HERC2: variants seen among roughly 807,000 people sequenced by gnomAD.
HERC2 encodes HECT and RLD domain containing E3 ubiquitin protein ligase 2, also known as E3 ubiquitin-protein ligase HERC2.
HERC2 carries 102 observed loss-of-function variants against 537.7 expected under a neutral mutation model. The observed-to-expected ratio is 0.19, with a 90% CI of 0.16 to 0.22. HERC2 has a LOEUF of 0.22. HERC2 is among the 10% of genes least tolerant of loss of function. HERC2 has a pLI of 1.00. For synonymous variants in HERC2, 2,224 were observed against 2,466.2 expected, an observed-to-expected ratio of 0.90 and a Z score of 2.91; for missense variants, 4,236 against 6,198.2, an observed-to-expected ratio of 0.68 and a Z score of 10.63.
In HERC2 at chr15:28,272,199, C is replaced by T. The variant is rs767158859; in HGVS notation, c.1083+16G>A. 4.5e-5 allele frequency: 71 copies of T among 1,570,444 alleles called. No homozygotes were observed. The highest frequency in any genetic ancestry group is 6.0e-5 in the Non-Finnish European group (70 of 1,158,660). The stretch of plus-strand genomic sequence containing the variant: ...TCGAGTGCCACCTAAACACAAAGTT[C>T]CATCATGACACTCACGTGCATGTCG... On this transcript the variant is annotated intron_variant, in intron 9 of 92. Coordinates refer to ENST00000261609, the MANE Select transcript of HERC2 (RefSeq NM_004667.6).
intron 2 of HERC2, among the ~76,000 whole-genome samples, chr15:28,307,143 T>C (rs1253472195): frequency 6.6e-6 from 1 of 152,220 alleles, no homozygotes; most frequent in Admixed American, 6.5e-5. Flanking sequence ...CCTGCAAACT[T>C]ATCTATTTCT....
rs1903968842 is a variant in HERC2 at position 28,248,756 on chromosome 15, A to T, written c.3051-20T>A. 5 of 1,581,464 alleles carry T rather than the reference A, an allele frequency of 3.2e-6. 1 individual carries two copies. Among genetic ancestry groups the T allele is most frequent in the African/African-American group, 1.4e-5 (1 of 73,668 alleles). ...ATGTTTCTATACAGGAAAGAAGAGGATTACAAAATTAAACAAGATATTTCT... is the reference window on the plus strand; with the variant it reads ...ATGTTTCTATACAGGAAAGAAGAGGTTTACAAAATTAAACAAGATATTTCT... On this transcript the variant is annotated intron_variant, in intron 20 of 92. Transcript: ENST00000261609.
Position 28,147,024 on chromosome 15 carries a change from T to TG in HERC2, c.10901-681dup, listed in dbSNP as rs1297205594. Among the ~76,000 whole-genome samples the TG allele has an allele frequency of 5.5e-4, 77 of 138,936 alleles. No individual in the cohort carries two copies. In the East Asian group the frequency reaches 9.4e-3, roughly 17 times the overall value. The allele number at this position is 138,936 out of a possible 152,430, so 91.1% of individuals were successfully genotyped here. A position where few individuals can be genotyped will look rare whatever the true frequency, so the allele number is the denominator to read the frequency against. On this transcript the variant is annotated intron_variant, in intron 70 of 92. Coordinates refer to ENST00000261609, the MANE Select transcript of HERC2 (RefSeq NM_004667.6). ...TGCATGCTCTGTTGGGAGCTGATTCTGGGGGGGCCGCAGGAGGTGGGGAGT... is the reference window on the plus strand; with the variant it reads ...TGCATGCTCTGTTGGGAGCTGATTCTGGGGGGGGCCGCAGGAGGTGGGGAGT...
Position 28,182,419 on chromosome 15 carries a change from G to A in HERC2, c.8919C>T (p.Gly2973=), listed in dbSNP as rs747875900. Residue 2973 remains glycine (G), a synonymous_variant, in exon 57 of 93, where the codon GGC becomes GGT. Coordinates refer to ENST00000261609, the MANE Select transcript of HERC2 (RefSeq NM_004667.6). The stretch of plus-strand genomic sequence containing the variant: ...GCCGTACCTTGGAGCCTTTCAGCCC[G>A]CCCAGCTGGTCCTTGTCATTCAGGC... The part of the protein sequence containing the change: ...VWGLNDKDQL[G]GLKGSKIKVP... 8.7e-6 allele frequency: 14 copies of A among 1,613,290 alleles called. No individual in the cohort carries two copies. The highest frequency in any genetic ancestry group is 2.2e-5 in the East Asian group (1 of 44,862).
intron 4 of HERC2, among the ~76,000 whole-genome samples, chr15:28,283,297 T>C (rs2076073549): frequency 6.6e-6 from 1 of 151,972 alleles, no homozygotes; most frequent in African/African-American, 2.4e-5. Context: ...AGACAAAACA[T>C]TTCAAAAGCC....
At chr15:28,161,004 A>G (rs781198721) in intron 69 of HERC2, among the ~76,000 whole-genome samples, 7 of 152,242 alleles carry the variant, frequency 4.6e-5, no homozygotes, top group Non-Finnish European at 8.8e-5. Flanking sequence ...TCTTAGAATT[A>G]TGCCAAGTAA....
At chr15:28,147,050 G>A (rs1366869512) in intron 70 of HERC2, among the ~76,000 whole-genome samples, 1 of 142,296 alleles carries the variant, frequency 7.0e-6, no homozygotes, top group Non-Finnish European at 1.5e-5. Flanking sequence ...GGTGGGGAGT[G>A]GAAGCAGGAA....
At chr15:28,179,341 C>A in intron 57 of HERC2, 118 bp from the exon 58 acceptor site, 1 of 767,098 alleles carries the variant, frequency 1.3e-6, no homozygotes, top group South Asian at 1.8e-5. Context: ...TGTAACATTT[C>A]ACTCAACCAC....
At chr15:28,229,155 G>C in intron 34 of HERC2, 40 bp downstream of exon 34, 1 of 1,540,838 alleles carries the variant, frequency 6.5e-7, no homozygotes, top group Non-Finnish European at 8.9e-7. Flanking sequence ...TATAATTAAA[G>C]GCAAACTATA....
intron 9 of HERC2, among the ~76,000 whole-genome samples, chr15:28,271,369 T>A (rs1323600509): frequency 6.6e-6 from 1 of 152,212 alleles, no homozygotes; most frequent in Non-Finnish European, 1.5e-5. Flanking sequence ...GTTTAAAGAC[T>A]GCCAAATAAT....
intron 5 of HERC2, among the ~76,000 whole-genome samples, chr15:28,276,791 T>C (rs932619140): frequency 1.3e-5 from 2 of 151,224 alleles, no homozygotes; most frequent in South Asian, 2.1e-4. Context: ...AATAAAATAA[T>C]GATACATGCA....
rs1438272655 is a variant in HERC2, at chr15:28,265,746, G to T, written c.1757-15C>A. 6.2e-7 allele frequency: 1 copy of T among 1,614,044 alleles called. No individual in the cohort carries two copies. On this transcript the variant is annotated splice_polypyrimidine_tract_variant and intron_variant, in intron 13 of 92. Transcript: ENST00000261609. This position sits in a 1 kb window ranked among gnomAD's most constrained non-coding sequence, Gnocchi z 4.0. ...CTCACTGGAGCCTTCAAACAGATAG[G>T]ACGGCGGTTACTAAGTCCTGTAAGA...
At chr15:28,208,938 TC>T (rs1898795103) in intron 44 of HERC2, among the ~76,000 whole-genome samples, 2 of 152,110 alleles carry the variant, frequency 1.3e-5, no homozygotes, top group South Asian at 4.2e-4. Flanking sequence ...AAAAGGACTT[TC>T]CCCGAAAAGA....
Position 28,120,199 on chromosome 15 carries a change from G to A in HERC2, c.13272+1147C>T, listed in dbSNP as rs139330135. Among the ~76,000 whole-genome samples the A allele has an allele frequency of 1.4e-3, 220 of 152,342 alleles. 1 individual carries two copies. Among genetic ancestry groups the A allele is most frequent in the Middle Eastern group, 6.8e-3 (2 of 294 alleles). ...TTAAACAACCTATTTATGTGAGGAC[G>A]TGACTGACGTACAGCTTAGCATTAA... On this transcript the variant is annotated intron_variant, in intron 86 of 92. Coordinates refer to ENST00000261609, the MANE Select transcript of HERC2 (RefSeq NM_004667.6).
At chr15:28,217,587 CCACA>C (rs1900069247) in intron 38 of HERC2, among the ~76,000 whole-genome samples, 1 of 152,210 alleles carries the variant, frequency 6.6e-6, no homozygotes, top group Non-Finnish European at 1.5e-5. Context: ...TACTTACTCT[CCACA>C]CAAACACTTT....
Position 28,178,978 on chromosome 15 carries a change from C to T in HERC2, c.9072G>A (p.Leu3024=). Residue 3024 remains leucine, a synonymous_variant, in exon 59 of 93, where the codon CTG becomes CTA. Transcript: ENST00000261609. ...YACGEATNGR[L]GLGISSGTVP... ...CCGTCCCGCTGGAAATGCCCAGCCC[C>T]AGCCGGCCATTCGTGGCTTCTCCAC... The T allele has an allele frequency of 6.2e-7, 1 of 1,614,216 alleles. No homozygotes were observed. Among genetic ancestry groups the T allele is most frequent in the Non-Finnish European group, 8.5e-7 (1 of 1,180,030 alleles).
At chr15:28,231,808 T>A (rs1299381667) in intron 30 of HERC2, among the ~76,000 whole-genome samples, 9 of 150,724 alleles carry the variant, frequency 6.0e-5, no homozygotes, top group African/African-American at 1.7e-4. Flanking sequence ...GGAATATTAA[T>A]CACTTAATCT....
At chr15:28,305,120 G>A (rs1473143619) in intron 2 of HERC2, among the ~76,000 whole-genome samples, 2 of 142,866 alleles carry the variant, frequency 1.4e-5, no homozygotes, top group Middle Eastern at 3.6e-3. Context: ...TATCATTGTT[G>A]GACATTTGGG....
intron 4 of HERC2, among the ~76,000 whole-genome samples, chr15:28,291,644 A>T (rs1448547849): frequency 1.3e-5 from 2 of 152,292 alleles, no homozygotes; most frequent in African/African-American, 2.4e-5. Flanking sequence ...AAGTAAGCAA[A>T]GAATAAATGT....
Sources: gnomAD v4.1 joint callset for allele counts (sites outside exome capture counted in the v4.1 genomes callset) on GRCh38, gnomAD v4.1.1 for gene constraint, Gnocchi (gnomAD v3.1) non-coding constraint, MANE v1.5 for transcripts, NCBI Gene and HGNC (gene_info 2026-07-23, HGNC 2026-07-21) for gene names.